Variants in FOXP1 observed in about 807,000 individuals in gnomAD.
FOXP1 encodes the protein forkhead box protein P1.
A neutral mutation model predicts 98.2 loss-of-function variants in FOXP1; 15 were observed. The ratio of observed to expected loss-of-function variants is 0.15; its 90% CI spans 0.10 to 0.24. The LOEUF (loss-of-function observed/expected upper bound fraction) is 0.24. FOXP1 is among the 10% of genes least tolerant of loss of function. The probability of loss-of-function intolerance (pLI) is 1.00; values close to 1 mark genes in which losing one functional copy is unlikely to be tolerated. For synonymous variants in FOXP1, 371 were observed against 314.5 expected (o/e 1.18, Z -1.90); for missense variants, 633 against 848.5 (o/e 0.75, Z 3.15).
At chr3:71,226,797 G>T (rs1392185997) in intron 5 of FOXP1, among the ~76,000 whole-genome samples, 1 of 151,890 alleles carries the variant, frequency 6.6e-6, no homozygotes, top group Non-Finnish European at 1.5e-5. Context: ...CTCCCCGCAC[G>T]CACTACCTTG....
At chr3:71,554,280 C>T (rs938949322) in intron 2 of FOXP1, among the ~76,000 whole-genome samples, 1 of 152,100 alleles carries the variant, frequency 6.6e-6, no homozygotes, top group Non-Finnish European at 1.5e-5. Context: ...CTTGAGACCA[C>T]GAGTCAAGGC....
chr3:71,038,328 G>A (rs988480107), intron 11 of FOXP1, among the ~76,000 whole-genome samples: 2 of 152,204 alleles, frequency 1.3e-5, no homozygotes, highest in African/African-American at 4.8e-5. Context: ...CATGGGGTCA[G>A]ATAGTTATTC....
At chr3:71,523,230 T>C (rs2043122703) in intron 2 of FOXP1, among the ~76,000 whole-genome samples, 1 of 152,162 alleles carries the variant, frequency 6.6e-6, no homozygotes, top group African/African-American at 2.4e-5. Context: ...GCCTGAAACA[T>C]TCTCCCTCAC....
intron 5 of FOXP1, among the ~76,000 whole-genome samples, chr3:71,203,601 C>A (rs917081478): frequency 6.6e-6 from 1 of 152,216 alleles, no homozygotes; most frequent in African/African-American, 2.4e-5. Flanking sequence ...GATTCCAGGG[C>A]AGTTAATTAA....
rs114707816 is a variant in FOXP1, at chr3:71,326,379, T to C, written c.-72-26499A>G. ...TCATAAAAGAGGCTCGGATGAAAAA[T>C]AACAGTCCAATAATCATCGTAATAA... On this transcript the variant is annotated intron_variant, in intron 4 of 20. Transcript: ENST00000649528. Among the ~76,000 whole-genome samples the C allele has an allele frequency of 7.5e-3, 1,133 of 152,034 alleles. 29 individuals are homozygous for C. Among genetic ancestry groups the C allele is most frequent in the Non-Finnish European group, 4.9e-3 (333 of 67,962 alleles).
chr3:71,351,897 C>A (rs1036030495), intron 4 of FOXP1, among the ~76,000 whole-genome samples: 4 of 152,158 alleles, frequency 2.6e-5, no homozygotes, highest in African/African-American at 9.7e-5. Flanking sequence ...ACAGGCACAT[C>A]CAACTGGAGA....
intron 5 of FOXP1, among the ~76,000 whole-genome samples, chr3:71,268,428 T>TGG (rs574713253): frequency 1.3e-5 from 2 of 151,858 alleles, no homozygotes; most frequent in African/African-American, 4.8e-5. Context: ...CTGGGAAAGT[T>TGG]GGGGGGGTAG....
At chr3:71,218,477 T>A (rs1454616618) in intron 5 of FOXP1, among the ~76,000 whole-genome samples, 1 of 152,210 alleles carries the variant, frequency 6.6e-6, no homozygotes, top group Non-Finnish European at 1.5e-5. Flanking sequence ...CTTCTCATTC[T>A]TTTTAATGAG....
chr3:71,100,720 C>G (rs1356660071), intron 7 of FOXP1, among the ~76,000 whole-genome samples: 3 of 152,200 alleles, frequency 2.0e-5, no homozygotes, highest in Non-Finnish European at 4.4e-5. Flanking sequence ...TTTGGGGACT[C>G]TGAACTGTTA....
At chr3:71,178,315 T>C (rs1409017509) in intron 6 of FOXP1, among the ~76,000 whole-genome samples, 1 of 152,004 alleles carries the variant, frequency 6.6e-6, no homozygotes, top group Non-Finnish European at 1.5e-5. Context: ...GTTTGTATTT[T>C]AGTAGAGGCG....
chr3:71,168,540 C>G (rs1430490868), intron 6 of FOXP1, among the ~76,000 whole-genome samples: 1 of 152,230 alleles, frequency 6.6e-6, no homozygotes. Context: ...CCATACCACT[C>G]AGACAAAATC....
chr3:71,013,914 T>C (rs551785830), intron 12 of FOXP1, among the ~76,000 whole-genome samples: 1 of 152,310 alleles, frequency 6.6e-6, no homozygotes, highest in South Asian at 2.1e-4. Flanking sequence ...ATTCCCTATT[T>C]AATAAATGGT....
chr3:71,562,221 G>T (rs1179106876), intron 2 of FOXP1, among the ~76,000 whole-genome samples: 1 of 152,170 alleles, frequency 6.6e-6, no homozygotes, highest in East Asian at 1.9e-4. Flanking sequence ...CATAATAAGG[G>T]CAACCACAGT....
chr3:71,009,036 G>A (rs764303962), intron 12 of FOXP1, among the ~76,000 whole-genome samples: 5 of 151,306 alleles, frequency 3.3e-5, no homozygotes, highest in Non-Finnish European at 7.4e-5. Context: ...CAGAAGACCA[G>A]AAAGCTGTTA....
chr3:71,560,655 A>T (rs1392164411), intron 2 of FOXP1, among the ~76,000 whole-genome samples: 1 of 152,254 alleles, frequency 6.6e-6, no homozygotes, highest in Non-Finnish European at 1.5e-5. Context: ...AAATAAGCCA[A>T]GTGTCCACCA....
At chr3:71,182,549 CTTTT>C (rs369563965) in intron 6 of FOXP1, among the ~76,000 whole-genome samples, 3 of 112,934 alleles carry the variant, frequency 2.7e-5, no homozygotes, top group Non-Finnish European at 1.8e-5. Flanking sequence ...TGTATATATT[CTTTT>C]TTTTTTTTTT....
chr3:71,097,467 A>G (rs2056575126), intron 7 of FOXP1, among the ~76,000 whole-genome samples: 1 of 152,198 alleles, frequency 6.6e-6, no homozygotes. Context: ...TTAATCCCTG[A>G]TCTAATGGGA....
At chr3:71,414,038 G>A (rs904101108) in intron 3 of FOXP1, among the ~76,000 whole-genome samples, 5 of 151,810 alleles carry the variant, frequency 3.3e-5, no homozygotes, top group African/African-American at 1.2e-4. Context: ...CCTAGGCTGC[G>A]GAGGCTCATG....
intron 1 of FOXP1, chr3:71,582,535 G>A: frequency 6.1e-6 from 6 of 985,472 alleles, no homozygotes; most frequent in South Asian, 4.7e-5. Flanking sequence ...GGACAGGGCC[G>A]GAGGGACGAG....
Sources: gnomAD v4.1 joint callset for allele counts (sites outside exome capture counted in the v4.1 genomes callset) on GRCh38, gnomAD v4.1.1 for gene constraint, MANE v1.5 for transcripts, NCBI Gene and HGNC (gene_info 2026-07-23, HGNC 2026-07-21) for gene names.